The following SLC35F2 variants were observed in gnomAD, a reference collection of about 807,000 sequenced individuals.
The protein encoded by SLC35F2 is solute carrier family 35 member F2.
In SLC35F2, 25 loss-of-function variants were observed where a neutral mutation model predicts 38.1. That is an observed-to-expected ratio of 0.66 (90% CI 0.48 to 0.92). The LOEUF (loss-of-function observed/expected upper bound fraction) is 0.92, where lower values mean the gene tolerates loss of function less well. Among genes scored for constraint, SLC35F2 ranks in the 40% least tolerant of loss-of-function variants. SLC35F2 has a pLI of 0.00. For synonymous variants in SLC35F2, 173 were observed against 181.7 expected (o/e 0.95, Z 0.38); for missense variants, 409 against 452.9 (o/e 0.90, Z 0.88).
chr11:107,835,559 A>T (rs1285450715), intron 1 of SLC35F2, among the ~76,000 whole-genome samples: 1 of 152,052 alleles, frequency 6.6e-6, no homozygotes, highest in Non-Finnish European at 1.5e-5. Flanking sequence ...GCCCCCAAGT[A>T]ACTGGGACTA....
intron 5 of SLC35F2, chr11:107,804,996 A>C (rs946692951): frequency 1.0e-6 from 1 of 965,568 alleles, no homozygotes; most frequent in African/African-American, 1.8e-5. Flanking sequence ...ATAATAGTCA[A>C]GTATAGGAGG....
chr11:107,798,746 A>G (rs536811916), intron 7 of SLC35F2, among the ~76,000 whole-genome samples: 10 of 152,264 alleles, frequency 6.6e-5, no homozygotes, highest in African/African-American at 2.4e-4. Context: ...AGTTTTTAAA[A>G]CTGGTAGTGT....
intron 1 of SLC35F2, among the ~76,000 whole-genome samples, chr11:107,823,739 G>T (rs1215485960): frequency 2.0e-5 from 3 of 151,940 alleles, no homozygotes; most frequent in South Asian, 4.1e-4. Context: ...CACCAGCCTG[G>T]CCAACATGGC....
At chr11:107,793,016 C>T in intron 7 of SLC35F2, 2 of 655,152 alleles carry the variant, frequency 3.1e-6, no homozygotes, top group African/African-American at 4.0e-5. Context: ...TCCCAGGCTC[C>T]AGTGATCCTC....
At chr11:107,803,325 G>A (rs576199798) in intron 6 of SLC35F2, 170 bp from the exon 7 acceptor site, 21 of 983,988 alleles carry the variant, frequency 2.1e-5, no homozygotes, top group Non-Finnish European at 2.4e-5. Context: ...CTCGAAAAAA[G>A]AATATAAATA....
intron 1 of SLC35F2, among the ~76,000 whole-genome samples, chr11:107,828,433 CAAA>C (rs201937489): frequency 3.4e-4 from 30 of 88,504 alleles, no homozygotes; most frequent in African/African-American, 8.1e-4. Flanking sequence ...AACTCCATCT[CAAA>C]AAAAAAAAAA....
chr11:107,856,908 G>GAA, intron 1 of SLC35F2, among the ~76,000 whole-genome samples: 6 of 43,632 alleles, frequency 1.4e-4, no homozygotes, highest in African/African-American at 5.2e-4. Context: ...AGGAAGGAAG[G>GAA]GAGGGAGGGA....
At chr11:107,812,756 G>A (rs760655025) in intron 2 of SLC35F2, among the ~76,000 whole-genome samples, 1 of 152,094 alleles carries the variant, frequency 6.6e-6, no homozygotes, top group Non-Finnish European at 1.5e-5. Context: ...GAGCTTGTAT[G>A]TCGCCACTTC....
chr11:107,820,330 G>A (rs1427243759), intron 1 of SLC35F2, among the ~76,000 whole-genome samples: 1 of 149,846 alleles, frequency 6.7e-6, no homozygotes, highest in African/African-American at 2.5e-5. Flanking sequence ...GGGAGGGAGA[G>A]AGGGCTCTAA....
At chr11:107,836,227 CTTTTTCT>C (rs1565438416) in intron 1 of SLC35F2, among the ~76,000 whole-genome samples, 1 of 107,916 alleles carries the variant, frequency 9.3e-6, no homozygotes. Context: ...TACATTTTTT[CTTTTTCT>C]TTTTTGTTTC....
At chr11:107,846,929 C>CA (rs34711328) in intron 1 of SLC35F2, among the ~76,000 whole-genome samples, 51,215 of 136,672 alleles carry the variant, frequency 0.37, 9,453 homozygotes, top group South Asian at 0.5. Flanking sequence ...GACTCTGTCT[C>CA]AAAAAAAAAA....
intron 1 of SLC35F2, among the ~76,000 whole-genome samples, chr11:107,836,074 G>T (rs1033821816): frequency 2.0e-4 from 31 of 152,246 alleles, no homozygotes; most frequent in African/African-American, 7.5e-4. Flanking sequence ...CTCATCCAAA[G>T]GAATCAGTAT....
At chr11:107,853,554 T>G (rs1860223257) in intron 1 of SLC35F2, among the ~76,000 whole-genome samples, 1 of 151,336 alleles carries the variant, frequency 6.6e-6, no homozygotes, top group Admixed American at 6.6e-5. Flanking sequence ...CCGCCTCTAC[T>G]AAAAATACAA....
intron 1 of SLC35F2, among the ~76,000 whole-genome samples, chr11:107,838,621 G>A (rs1368969596): frequency 7.9e-5 from 10 of 127,336 alleles, no homozygotes; most frequent in African/African-American, 2.6e-4. Flanking sequence ...CACTTTGCCC[G>A]GCCCTCTTTT....
chr11:107,843,864 AAAAAATATATATAT>A (rs1463293119), intron 1 of SLC35F2, among the ~76,000 whole-genome samples: 19 of 35,040 alleles, frequency 5.4e-4, no homozygotes, highest in African/African-American at 1.5e-3. Flanking sequence ...AAAAAAAAAA[AAAAAATATATATAT>A]ATATATATAT....
intron 1 of SLC35F2, among the ~76,000 whole-genome samples, chr11:107,847,265 G>T (rs149538676): frequency 8.5e-5 from 13 of 152,114 alleles, no homozygotes; most frequent in Non-Finnish European, 1.3e-4. Flanking sequence ...TGCCCAGGCT[G>T]GTCTTGAACT....
intron 1 of SLC35F2, among the ~76,000 whole-genome samples, chr11:107,856,268 A>G (rs1012088265): frequency 1.3e-5 from 2 of 152,188 alleles, no homozygotes; most frequent in African/African-American, 4.8e-5. Flanking sequence ...CCAAGAATAG[A>G]GAGCTAATGG....
intron 1 of SLC35F2, chr11:107,823,307 A>C: frequency 7.4e-6 from 5 of 676,114 alleles, no homozygotes; most frequent in Non-Finnish European, 9.1e-6. Context: ...GCATTATTTG[A>C]ATGCAAATTA....
In SLC35F2 at chr11:107,830,515, C is replaced by T. The variant is rs369418092; in HGVS notation, c.111-14550G>A. On this transcript the variant is annotated intron_variant, in intron 1 of 7. Coordinates refer to ENST00000525815, the MANE Select transcript of SLC35F2 (RefSeq NM_017515.5). ...AGGAGAATGGCGTGAACCTGGGAGG[C>T]GGAGCTTGCAGTGAGCCGAGATCAC... Among the ~76,000 whole-genome samples, 39 of 142,602 alleles carry T rather than the reference C, an allele frequency of 2.7e-4. 1 individual carries two copies. The highest frequency in any genetic ancestry group is 7.9e-4 in the African/African-American group (30 of 37,744). The allele number at this position is 142,602 out of a possible 152,430, so 93.6% of individuals were successfully genotyped here.
Sources: gnomAD v4.1 joint callset for allele counts (sites outside exome capture counted in the v4.1 genomes callset) on GRCh38, gnomAD v4.1.1 for gene constraint, MANE v1.5 for transcripts, NCBI Gene and HGNC (gene_info 2026-07-23, HGNC 2026-07-21) for gene names.